Variants in TP53I13 observed in about 807,000 individuals in gnomAD.
TP53I13 encodes tumor protein p53 inducible protein 13.
A neutral mutation model predicts 39.1 loss-of-function variants in TP53I13; 27 were observed. The observed-to-expected ratio is 0.69, with a 90% CI of 0.51 to 0.95. The LOEUF is 0.95. Among genes scored for constraint, TP53I13 ranks in the 40% least tolerant of loss-of-function variants. The pLI, the probability that TP53I13 is intolerant of heterozygous loss-of-function variation, is 0.00. For missense variants in TP53I13, 544 were observed against 520.4 expected, an observed-to-expected ratio of 1.05 and a Z score of -0.44; for synonymous variants, 230 against 224.6, an observed-to-expected ratio of 1.02 and a Z score of -0.22.
In TP53I13 at chr17:29,573,146, AT is replaced by A; in HGVS notation, c.*227del. The A allele has an allele frequency of 2.4e-6, 1 of 419,706 alleles. No individual in the cohort carries two copies. The highest frequency in any genetic ancestry group is 4.2e-6 in the Non-Finnish European group (1 of 239,388). The allele number at this position is 419,706 out of a possible 1,614,324, so 26.0% of individuals were successfully genotyped here. The stretch of plus-strand genomic sequence containing the variant: ...CCAAAACTCCGTTTCTAATTAAATT[AT>A]TTTTAGTAGACTCTGGAGTTGAGCT... On this transcript the variant is annotated 3_prime_UTR_variant, in exon 7 of 7. Transcript: ENST00000301057.
At chr17:29,575,217 C>T (rs2033147186), downstream of TP53I13, 1 of 1,556,914 alleles carries the variant, frequency 6.4e-7, no homozygotes, top group Non-Finnish European at 8.8e-7. The surrounding 1 kb of genome is among the most constrained non-coding windows in gnomAD (Gnocchi z 5.5). Flanking sequence ...CCCAGGGCCC[C>T]TCATGCTCTC....
downstream of TP53I13, chr17:29,574,975 C>A: frequency 6.7e-7 from 1 of 1,494,690 alleles, no homozygotes. Flanking sequence ...AGATCAGGGC[C>A]CAGTTTGTCT....
At chr17:29,577,042 C>T (rs753056334), downstream of TP53I13, 1 of 1,606,908 alleles carries the variant, frequency 6.2e-7, no homozygotes, top group Non-Finnish European at 8.5e-7. Context: ...ACCACACAAC[C>T]CATCTCTCAG....
In TP53I13 at chr17:29,572,428, CAG is replaced by C. The variant is rs1356604723; in HGVS notation, c.803_804del (p.Glu268GlyfsTer40). ...CCTGGAGGCAATGCCAGCTCCAGGACAGAGGCTCAGGTGCCCAACGGGCAAGG... is the reference window on the plus strand; with the variant it reads ...CCTGGAGGCAATGCCAGCTCCAGGACAGGCTCAGGTGCCCAACGGGCAAGG... On this transcript the variant is annotated frameshift_variant, in exon 6 of 7. Coordinates refer to ENST00000301057, the MANE Select transcript of TP53I13 (RefSeq NM_138349.4). LOFTEE classifies it high-confidence loss of function. 6.3e-6 allele frequency: 10 copies of C among 1,584,680 alleles called. No homozygotes were observed. The highest frequency in any genetic ancestry group is 8.6e-6 in the Non-Finnish European group (10 of 1,162,152).
chr17:29,581,715 G>A, the TP53I13 span: 2 of 1,583,184 alleles, frequency 1.3e-6, no homozygotes, highest in Non-Finnish European at 1.7e-6. This position sits in a 1 kb window ranked among gnomAD's most constrained non-coding sequence, Gnocchi z 4.8. Flanking sequence ...GCCTGTCACA[G>A]CCAGGCGCCC....
Position 29,572,224 on chromosome 17 carries a change from C to T in TP53I13, c.596C>T (p.Ser199Phe). 1 of 1,612,314 alleles carries T rather than the reference C, an allele frequency of 6.2e-7. No homozygotes were observed. The highest frequency in any genetic ancestry group is 2.2e-5 in the East Asian group (1 of 44,880). Residue 199 changes from serine to phenylalanine, a missense_variant, in exon 6 of 7, where the codon TCT becomes TTT. By Grantham distance (155) the Ser-to-Phe change is radical. Transcript: ENST00000301057. ...VTSQGPRQPS[S>F]SGAKRRRLRA... Reference sequence around the variant, plus strand: ...TCTCAAGGGCCCAGGCAGCCCTCTTCTAGTGGTGCCAAGAGGCGGAGGCTG... The same window carrying T: ...TCTCAAGGGCCCAGGCAGCCCTCTTTTAGTGGTGCCAAGAGGCGGAGGCTG...
chr17:29,575,126 C>T (rs770873627), downstream of TP53I13: 8 of 1,601,196 alleles, frequency 5.0e-6, no homozygotes, highest in South Asian at 8.8e-5. The surrounding 1 kb of genome is among the most constrained non-coding windows in gnomAD (Gnocchi z 5.5). Flanking sequence ...TGGATCTTCT[C>T]TGAGCAGGGC....
the TP53I13 span, chr17:29,581,533 G>T: frequency 1.4e-6 from 1 of 730,370 alleles, no homozygotes; most frequent in East Asian, 2.6e-5. This position sits in a 1 kb window ranked among gnomAD's most constrained non-coding sequence, Gnocchi z 4.8. Flanking sequence ...GGGAGCTCGT[G>T]GGAGGATGCA....
At chr17:29,576,646 C>T, downstream of TP53I13, 1 of 1,613,974 alleles carries the variant, frequency 6.2e-7, no homozygotes, top group Non-Finnish European at 8.5e-7. Context: ...CGTCACAGCC[C>T]CGTCAGACAA....
downstream of TP53I13, chr17:29,577,267 A>G (rs1175163312): frequency 1.9e-6 from 3 of 1,605,990 alleles, no homozygotes; most frequent in African/African-American, 2.7e-5. Flanking sequence ...AGAAAGGGCC[A>G]GGCTGGCTTC....
At chr17:29,578,857 C>T in the TP53I13 span, 1 of 1,561,550 alleles carries the variant, frequency 6.4e-7, no homozygotes, top group Non-Finnish European at 8.8e-7. Context: ...GCAACCTCCC[C>T]AACATGCAGG....
chr17:29,566,375 C>T, upstream of TP53I13: 1 of 1,610,842 alleles, frequency 6.2e-7, no homozygotes, highest in Non-Finnish European at 8.5e-7. Flanking sequence ...AGTGGGCAAC[C>T]GTGGTGGCCG....
At chr17:29,566,674 C>A, upstream of TP53I13, 1 of 1,596,464 alleles carries the variant, frequency 6.3e-7, no homozygotes, top group Non-Finnish European at 8.5e-7. Flanking sequence ...GAACCAGGAG[C>A]GCGGGCCGGC....
chr17:29,575,713 G>A (rs551350378), downstream of TP53I13: 136 of 1,612,278 alleles, frequency 8.4e-5, no homozygotes, highest in Non-Finnish European at 1.1e-4. The surrounding 1 kb of genome is among the most constrained non-coding windows in gnomAD (Gnocchi z 5.5). Flanking sequence ...TCTGGAGGGC[G>A]GAGGGAAGGG....
At chr17:29,576,198 T>G (rs2033191692), downstream of TP53I13, 1 of 1,606,266 alleles carries the variant, frequency 6.2e-7, no homozygotes, top group Admixed American at 1.7e-5. Flanking sequence ...TCCCCACACC[T>G]TGAGACCCAT....
At chr17:29,576,320 C>T (rs889769504), downstream of TP53I13, 3 of 1,612,864 alleles carry the variant, frequency 1.9e-6, no homozygotes, top group Non-Finnish European at 2.5e-6. Context: ...AAAGGCCTGG[C>T]GATCCCTGCG....
downstream of TP53I13, chr17:29,575,804 A>AACATTAC (rs780353306): frequency 6.2e-7 from 1 of 1,613,290 alleles, no homozygotes; most frequent in South Asian, 1.1e-5. This position sits in a 1 kb window ranked among gnomAD's most constrained non-coding sequence, Gnocchi z 5.5. Flanking sequence ...TGGGCATGGA[A>AACATTAC]ACATTACCGT....
chr17:29,574,450 A>C, downstream of TP53I13: 3 of 525,110 alleles, frequency 5.7e-6, no homozygotes, highest in East Asian at 6.7e-5. Flanking sequence ...CCTGCTCACT[A>C]GGAGGGGGGA....
chr17:29,581,370 A>C, the TP53I13 span: 1 of 1,612,620 alleles, frequency 6.2e-7, no homozygotes, highest in African/African-American at 1.3e-5. The surrounding 1 kb of genome is among the most constrained non-coding windows in gnomAD (Gnocchi z 4.8). Flanking sequence ...TGTAATGCCC[A>C]TTCTTGTGAT....
Sources: gnomAD v4.1 joint callset for allele counts on GRCh38, gnomAD v4.1.1 for gene constraint, Gnocchi (gnomAD v3.1) non-coding constraint, MANE v1.5 for transcripts, NCBI Gene and HGNC (gene_info 2026-07-23, HGNC 2026-07-21) for gene names.